Variants in SYNE1 observed in about 807,000 individuals in gnomAD.
SYNE1 encodes the protein spectrin repeat containing nuclear envelope protein 1, also known as nesprin-1.
SYNE1 carries 616 observed loss-of-function variants against 1,111.0 expected under a neutral mutation model. The observed-to-expected ratio is 0.55, with a 90% CI of 0.52 to 0.59. The LOEUF is 0.59. Ranked by LOEUF, SYNE1 falls within the 20% of genes least tolerant of loss-of-function variation. SYNE1 has a pLI of 0.00. For synonymous variants in SYNE1, 3,855 were observed against 3,825.8 expected (o/e 1.01, Z -0.28); for missense variants, 10,006 against 10,417.0 (o/e 0.96, Z 1.72).
intron 100 of SYNE1, among the ~76,000 whole-genome samples, chr6:152,266,902 A>T (rs538543236): frequency 6.6e-6 from 1 of 152,330 alleles, no homozygotes; most frequent in South Asian, 2.1e-4. Context: ...TGCAAAAAAA[A>T]AGTTTAATTC....
Position 152,472,345 on chromosome 6 carries a change from G to C in SYNE1, c.1419C>G (p.Asn473Lys). Residue 473 changes from asparagine (N) to lysine (K), a missense_variant, in exon 15 of 146, where the codon AAC becomes AAG. Asn to Lys is a moderately conservative substitution (Grantham distance 94). Coordinates refer to ENST00000367255, the MANE Select transcript of SYNE1 (RefSeq NM_182961.4). Reference protein sequence around the residue: ...FHEIYRTRSVNGIPVPPDQLE... With the variant: ...FHEIYRTRSVKGIPVPPDQLE... ...ATTGATCAGGTGGCACTGGAATCCC[G>C]TTAACAGACCTGGTCCGGTAGATTT... 1 of 1,613,946 alleles carries C rather than the reference G, an allele frequency of 6.2e-7. No individual in the cohort carries two copies. Among genetic ancestry groups the C allele is most frequent in the Non-Finnish European group, 8.5e-7 (1 of 1,179,946 alleles).
chr6:152,321,951 A>C, intron 82 of SYNE1, 65 bp from the exon 83 acceptor site: 1 of 1,557,908 alleles, frequency 6.4e-7, no homozygotes, highest in South Asian at 1.1e-5. Flanking sequence ...ACTTGGCAAC[A>C]TTTTATCCAA....
At chr6:152,139,840 C>T in intron 140 of SYNE1, 110 bp downstream of exon 140, 1 of 1,140,970 alleles carries the variant, frequency 8.8e-7, no homozygotes, top group Non-Finnish European at 1.3e-6. Flanking sequence ...TTTGTTAGAT[C>T]CCTTTTCTGC....
At chr6:152,378,742 CT>C (rs1400497057) in intron 56 of SYNE1, among the ~76,000 whole-genome samples, 2 of 152,146 alleles carry the variant, frequency 1.3e-5, no homozygotes, top group African/African-American at 4.8e-5. Context: ...TAAGTACCCC[CT>C]GCCCTCCTTC....
chr6:152,229,853 A>G (rs1313604845), intron 115 of SYNE1, among the ~76,000 whole-genome samples: 4 of 152,234 alleles, frequency 2.6e-5, no homozygotes, highest in Admixed American at 2.0e-4. Flanking sequence ...AACCGAGGAA[A>G]TAGGATTATG....
chr6:152,373,110 G>A lies in SYNE1; in HGVS notation c.9434C>T (p.Ala3145Val). 1 of 1,614,010 alleles carries A rather than the reference G, an allele frequency of 6.2e-7. No individual in the cohort carries two copies. The highest frequency in any genetic ancestry group is 1.1e-5 in the South Asian group (1 of 91,078). ...ATCTTCTTTTGCAGCTGTAACTTTG[G>A]CCTGGATCCCTTTCGCTTTCTCTTT... ...LTKEKAKGIQ[A>V]KVTAAKEDWK... The change falls in exon 59 of 146, where the codon GCC becomes GTC. Residue 3145 changes from alanine to valine, a missense_variant. Coordinates refer to ENST00000367255, the MANE Select transcript of SYNE1 (RefSeq NM_182961.4).
chr6:152,136,739 T>C lies in SYNE1; in HGVS notation c.25538A>G (p.Asp8513Gly). Residue 8513 changes from aspartate (D) to glycine (G), a missense_variant, in exon 141 of 146, where the codon GAC becomes GGC. Physicochemically the swap from Asp to Gly is moderately conservative, Grantham distance 94 (BLOSUM62 -1). Transcript: ENST00000367255. Reference sequence around the variant, plus strand: ...CTGCAGGTCCCGGCTCTCCTTGCTGTCAGCCTGGGTGAACTCAGGGCTGCA... The same window carrying C: ...CTGCAGGTCCCGGCTCTCCTTGCTGCCAGCCTGGGTGAACTCAGGGCTGCA... ...NLCSPEFTQA[D>G]SKESRDLQDR... is the part of the protein sequence containing the mutation. The C allele has an allele frequency of 6.2e-7, 1 of 1,614,234 alleles. No individual in the cohort carries two copies. The highest frequency in any genetic ancestry group is 8.5e-7 in the Non-Finnish European group (1 of 1,180,040).
Position 152,256,691 on chromosome 6 carries a change from A to G in SYNE1, c.19047T>C (p.Ser6349=), listed in dbSNP as rs2090942694. 3.1e-6 allele frequency: 5 copies of G among 1,613,970 alleles called. No homozygotes were observed. The highest frequency in any genetic ancestry group is 3.3e-5 in the Admixed American group (2 of 60,002). Residue 6349 remains serine (S), a synonymous_variant, in exon 102 of 146, where the codon TCT becomes TCC. Transcript: ENST00000367255. ...GTCCATCCAGCAAAGATGTAACTGC[A>G]GATTTATCTTGGGTTGGCACGTCCC... ...YKGDVPTQDK[S]AVTSLLDGLN...
At chr6:152,524,123 T>C (rs1011480540) in intron 5 of SYNE1, among the ~76,000 whole-genome samples, 1 of 152,168 alleles carries the variant, frequency 6.6e-6, no homozygotes, top group African/African-American at 2.4e-5. Flanking sequence ...CCTTGTCTTG[T>C]TCCAGTTCTC....
At chr6:152,302,139 G>T (rs1351962078) in intron 91 of SYNE1, 76 bp from the exon 92 acceptor site, 11 of 1,581,812 alleles carry the variant, frequency 7.0e-6, no homozygotes, top group African/African-American at 1.3e-5. Flanking sequence ...TCATCTTCCT[G>T]CAGGGCGAGC....
Position 152,255,679 on chromosome 6 carries a change from G to T in SYNE1, c.19172C>A (p.Ser6391Tyr), listed in dbSNP as rs1411390230. 2 of 1,614,104 alleles carry T rather than the reference G, an allele frequency of 1.2e-6. No individual in the cohort carries two copies. The highest frequency in any genetic ancestry group is 2.7e-5 in the African/African-American group (2 of 74,948). ...QKLYDGVSAT[S>Y]TWLDDVEERL... Reference sequence around the variant, plus strand: ...TTCTTCAACGTCATCCAACCAAGTAGAGGTGGCTGAGACTCCATCATACAA... The same window carrying T: ...TTCTTCAACGTCATCCAACCAAGTATAGGTGGCTGAGACTCCATCATACAA... Residue 6391 changes from serine (S) to tyrosine (Y), a missense_variant, in exon 103 of 146, where the codon TCT (serine) becomes TAT (tyrosine). Around this residue, in one of 7 missense-constraint regions of SYNE1, gnomAD observed 2,182 missense variants for 2,287.8 expected, o/e 0.95. Transcript: ENST00000367255.
chr6:152,467,401 A>G (rs1255118132), intron 16 of SYNE1, among the ~76,000 whole-genome samples: 1 of 152,162 alleles, frequency 6.6e-6, no homozygotes, highest in Non-Finnish European at 1.5e-5. Flanking sequence ...ATTTGATCAA[A>G]AATGGAAAAT....
intron 3 of SYNE1, among the ~76,000 whole-genome samples, chr6:152,579,186 T>C (rs757957478): frequency 3.9e-5 from 6 of 152,140 alleles, no homozygotes; most frequent in African/African-American, 1.4e-4. Context: ...CATTTAGAGG[T>C]AGAAATTTTT....
rs1563281568 is a variant in SYNE1 at position 152,352,357 on chromosome 6, A to G, written c.11254-4T>C. On this transcript the variant is annotated splice_polypyrimidine_tract_variant and splice_region_variant and intron_variant, in intron 69 of 145. Transcript: ENST00000367255. ...TCTCCATGTCTTTGAGCAAAACCTG[A>G]AAAAGAGAGTGAGTAGGAGCAAAGG... The G allele has an allele frequency of 6.2e-7, 1 of 1,613,868 alleles. No homozygotes were observed. Among genetic ancestry groups the G allele is most frequent in the Non-Finnish European group, 8.5e-7 (1 of 1,179,966 alleles).
Position 152,353,852 on chromosome 6 carries a change from T to C in SYNE1, c.10927-108A>G, listed in dbSNP as rs748812543. 3.0e-5 allele frequency: 42 copies of C among 1,401,212 alleles called. 1 individual carries two copies. In the South Asian group the frequency reaches 4.5e-4, roughly 15 times the overall value. The allele number at this position is 1,401,212 out of a possible 1,614,324, so 86.8% of individuals were successfully genotyped here. On this transcript the variant is annotated intron_variant, in intron 67 of 145. Coordinates refer to ENST00000367255, the MANE Select transcript of SYNE1 (RefSeq NM_182961.4). ...TTTCAGTGTAGGTTTAGAAGATGTTTATTTTGAGATTTAATTTTGAAAATG... is the reference window on the plus strand; with the variant it reads ...TTTCAGTGTAGGTTTAGAAGATGTTCATTTTGAGATTTAATTTTGAAAATG...
intron 100 of SYNE1, among the ~76,000 whole-genome samples, chr6:152,266,200 G>C (rs1385693324): frequency 6.6e-6 from 1 of 152,048 alleles, no homozygotes; most frequent in Non-Finnish European, 1.5e-5. Flanking sequence ...ATATTTGAAA[G>C]AGTAACTTAC....
intron 74 of SYNE1, among the ~76,000 whole-genome samples, chr6:152,343,458 C>T (rs2096574684): frequency 6.6e-6 from 1 of 150,990 alleles, no homozygotes; most frequent in Non-Finnish European, 1.5e-5. Flanking sequence ...TATGCCCGGC[C>T]CCATTCTCTT....
rs7771657 is a variant in SYNE1, at chr6:152,362,048, G to T, written c.10299+122C>A. The T allele has an allele frequency of 0.6, 793,730 of 1,326,386 alleles. 239,198 individuals are homozygous for T. Among genetic ancestry groups the T allele is most frequent in the East Asian group, 0.64 (27,290 of 42,684 alleles). 82.2% of individuals were successfully genotyped at this position (1,326,386 alleles called of 1,614,324 possible). A position where few individuals can be genotyped will look rare whatever the true frequency, so the allele number is the denominator to read the frequency against. On this transcript the variant is annotated intron_variant, in intron 64 of 145. Transcript: ENST00000367255. Reference sequence around the variant, plus strand: ...GAAGCCTTTAGAGATTATACTAAAAGCCCCAAACGTAATTTGCTTATGTGC... The same window carrying T: ...GAAGCCTTTAGAGATTATACTAAAATCCCCAAACGTAATTTGCTTATGTGC...
At position 152,603,843 on chromosome 6, in the gene SYNE1, A is replaced by G. The variant is rs1358889690; in HGVS notation, c.67+24422T>C. 4.6e-5 allele frequency among the ~76,000 whole-genome samples: 6 copies of G among 130,004 alleles called. 1 individual carries two copies. The highest frequency in any genetic ancestry group is 1.0e-4 in the Non-Finnish European group (6 of 58,350). The allele number at this position is 130,004 out of a possible 152,430, so 85.3% of individuals were successfully genotyped here. ...ATATATATAGATATACTATCTATCT[A>G]TACATATATGTATATATAGATAGAT... On this transcript the variant is annotated intron_variant, in intron 3 of 145. Coordinates refer to ENST00000367255, the MANE Select transcript of SYNE1 (RefSeq NM_182961.4).
Sources: gnomAD v4.1 joint callset for allele counts (sites outside exome capture counted in the v4.1 genomes callset) on GRCh38, gnomAD v4.1.1 for gene constraint, gnomAD v4.1.1 regional missense constraint, MANE v1.5 for transcripts, NCBI Gene and HGNC (gene_info 2026-07-23, HGNC 2026-07-21) for gene names.